The following TRHDE variants were observed in gnomAD, a reference collection of about 807,000 sequenced individuals.
TRHDE encodes thyrotropin releasing hormone degrading enzyme.
In TRHDE, 72 loss-of-function variants were observed where a neutral mutation model predicts 125.7. That is an observed-to-expected ratio of 0.57 (90% CI 0.47 to 0.70). TRHDE has a LOEUF of 0.70. TRHDE is among the 30% of genes least tolerant of loss of function. The pLI is 0.00. For synonymous variants in TRHDE, 509 were observed against 509.1 expected (o/e 1.00, Z 0.00); for missense variants, 1,110 against 1,327.1 (o/e 0.84, Z 2.54).
chr12:72,404,585 A>G (rs938235848), intron 3 of TRHDE, among the ~76,000 whole-genome samples: 6 of 152,240 alleles, frequency 3.9e-5, no homozygotes, highest in Non-Finnish European at 8.8e-5. Context: ...GCAAAGAAAC[A>G]TCTTACATGG....
intron 15 of TRHDE, among the ~76,000 whole-genome samples, chr12:72,628,277 ACCTGTCAGTAAAAAGTTCACTTC>A (rs1873342025): frequency 6.6e-6 from 1 of 151,846 alleles, no homozygotes; most frequent in African/African-American, 2.4e-5. Context: ...GGACAATTTG[ACCTGTCAGTAAAAAGTTCACTTC>A]CCTGCAGAAT....
intron 2 of TRHDE, among the ~76,000 whole-genome samples, chr12:72,186,834 C>A (rs1415839995): frequency 6.6e-6 from 1 of 151,238 alleles, no homozygotes; most frequent in Non-Finnish European, 1.5e-5. Context: ...CCTTTATTGG[C>A]GTGGGGGGTA....
upstream of TRHDE, chr12:72,271,943 G>T (rs765843858): frequency 4.4e-6 from 2 of 456,668 alleles, no homozygotes; most frequent in South Asian, 3.1e-5. Flanking sequence ...TGCCGCCACC[G>T]CCGCTTAAAG....
intron 2 of TRHDE, among the ~76,000 whole-genome samples, chr12:72,246,305 T>A (rs1357457710): frequency 6.6e-6 from 1 of 152,160 alleles, no homozygotes; most frequent in African/African-American, 2.4e-5. Context: ...CTTGTAGACA[T>A]TTTAATTTTC....
intron 3 of TRHDE, among the ~76,000 whole-genome samples, chr12:72,466,267 A>G (rs1203981826): frequency 6.6e-6 from 1 of 152,198 alleles, no homozygotes; most frequent in Non-Finnish European, 1.5e-5. Flanking sequence ...TCATATGTAT[A>G]GAGTCTTCTT....
At chr12:72,291,403 G>T (rs182797305) in intron 2 of TRHDE, among the ~76,000 whole-genome samples, 102 of 152,294 alleles carry the variant, frequency 6.7e-4, no homozygotes, top group Admixed American at 1.6e-3. Flanking sequence ...ATGAATGGCC[G>T]CTCCCTGTGA....
Position 72,575,556 on chromosome 12 carries a change from T to C in TRHDE, c.2321+14T>C, listed in dbSNP as rs543931490. 8.7e-6 allele frequency: 14 copies of C among 1,613,242 alleles called. No individual in the cohort carries two copies. The East Asian group carries it at 2.9e-4, about 33-fold the overall frequency. On this transcript the variant is annotated intron_variant, in intron 12 of 18. Transcript: ENST00000261180. ...CAGCCTAGCCAGGTATGTTTTCCTG[T>C]GGATCTCCCCAATAAAAACTTGTGC...
rs144824958 is a variant in TRHDE, at chr12:72,142,843, C to T, written n.279+37091C>T. On this transcript the variant is annotated intron_variant and non_coding_transcript_variant, in intron 2 of 4. Transcript: ENST00000548156. ...AGTCCGGCTGCTGGGCGGCCAGACT[C>T]AAGGGGAAGGTCATCTTCCCACTCC... 6.7e-4 allele frequency among the ~76,000 whole-genome samples: 102 copies of T among 152,130 alleles called. 1 individual carries two copies. In the East Asian group the frequency reaches 0.016, roughly 24 times the overall value.
chr12:72,656,302 T>C (rs1477535117), intron 17 of TRHDE, among the ~76,000 whole-genome samples: 1 of 152,088 alleles, frequency 6.6e-6, no homozygotes, highest in Non-Finnish European at 1.5e-5. Flanking sequence ...AAGCTAATAT[T>C]TTGGAGAACA....
rs200860093 is a variant in TRHDE at position 72,560,666 on chromosome 12, T to TA, written c.1789-1490dup. ...ATGGAATCCTGTTGCTACAAAAAAT[T>TA]AAAAAAAAACAGCTGGATGTGGTGG... On this transcript the variant is annotated intron_variant, in intron 7 of 18. Coordinates refer to ENST00000261180, the MANE Select transcript of TRHDE (RefSeq NM_013381.3). The TA allele has an allele frequency of 2.7e-3, 404 of 150,146 alleles. 1 individual carries two copies. Among genetic ancestry groups the TA allele is most frequent in the Middle Eastern group, 3.4e-3 (1 of 294 alleles). The allele number at this position is 150,146 out of a possible 1,614,324, so 9.3% of individuals were successfully genotyped here.
At chr12:72,568,774 A>C (rs995325727) in intron 10 of TRHDE, 118 bp downstream of exon 10, 5 of 595,482 alleles carry the variant, frequency 8.4e-6, no homozygotes, top group Non-Finnish European at 1.5e-5. Flanking sequence ...AGAGAATATA[A>C]AGGAATGATT....
chr12:72,136,672 T>A (rs1321396822), intron 2 of TRHDE, among the ~76,000 whole-genome samples: 2 of 152,234 alleles, frequency 1.3e-5, no homozygotes. Flanking sequence ...TGTTGGAACA[T>A]CTACATCCCA....
chr12:72,490,604 TACAC>T (rs56752236), intron 5 of TRHDE, among the ~76,000 whole-genome samples: 12,880 of 148,170 alleles, frequency 0.087, 1,814 homozygotes, highest in African/African-American at 0.3. Flanking sequence ...TGTGTATAAA[TACAC>T]ACACACACAC....
chr12:72,638,831 C>T (rs1214973814), intron 15 of TRHDE, among the ~76,000 whole-genome samples: 3 of 152,106 alleles, frequency 2.0e-5, no homozygotes, highest in Admixed American at 1.3e-4. Flanking sequence ...TGAATATTGG[C>T]CCCCTCTCTC....
At chr12:72,321,138 G>C (rs939215654) in intron 2 of TRHDE, among the ~76,000 whole-genome samples, 6 of 152,114 alleles carry the variant, frequency 3.9e-5, no homozygotes, top group African/African-American at 1.4e-4. Flanking sequence ...ATTTTCGATA[G>C]AGGCATTAGT....
intron 2 of TRHDE, among the ~76,000 whole-genome samples, chr12:72,146,006 T>G (rs1876218062): frequency 6.6e-6 from 1 of 152,230 alleles, no homozygotes; most frequent in South Asian, 2.1e-4. Context: ...TAATCTTATT[T>G]TAAAATTCTT....
chr12:72,308,795 A>G (rs73137390), intron 2 of TRHDE, among the ~76,000 whole-genome samples: 1,863 of 152,304 alleles, frequency 0.012, 16 homozygotes, highest in Non-Finnish European at 0.018. Flanking sequence ...ATGGTATGAT[A>G]TGAAGTTATA....
At chr12:72,374,474 A>G (rs1455704805) in intron 2 of TRHDE, among the ~76,000 whole-genome samples, 1 of 152,150 alleles carries the variant, frequency 6.6e-6, no homozygotes, top group Non-Finnish European at 1.5e-5. Context: ...CATGACATTT[A>G]TGGCCATGAG....
intron 5 of TRHDE, among the ~76,000 whole-genome samples, chr12:72,480,736 C>T (rs904173479): frequency 2.0e-5 from 3 of 152,034 alleles, no homozygotes; most frequent in Non-Finnish European, 4.4e-5. Flanking sequence ...GAAAATGAAC[C>T]TATTCATTCT....
Sources: gnomAD v4.1 joint callset for allele counts (sites outside exome capture counted in the v4.1 genomes callset) on GRCh38, gnomAD v4.1.1 for gene constraint, MANE v1.5 for transcripts, NCBI Gene and HGNC (gene_info 2026-07-23, HGNC 2026-07-21) for gene names.